The following AHNAK variants were observed in gnomAD, a reference collection of about 807,000 sequenced individuals.
AHNAK encodes AHNAK nucleoprotein.
AHNAK carries 23 observed loss-of-function variants against 37.8 expected under a neutral mutation model. The observed-to-expected ratio is 0.61, with a 90% CI of 0.44 to 0.86. AHNAK has a LOEUF of 0.86. AHNAK is among the 40% of genes least tolerant of loss of function. The pLI, the probability that AHNAK is intolerant of heterozygous loss-of-function variation, is 0.00. For missense variants in AHNAK, 7,411 were observed against 7,319.4 expected (o/e 1.01, Z -0.46); for synonymous variants, 2,481 against 2,636.3 (o/e 0.94, Z 1.80).
At chr11:62,540,536 G>A (rs1225081507) in intron 1 of AHNAK, among the ~76,000 whole-genome samples, 5 of 152,308 alleles carry the variant, frequency 3.3e-5, no homozygotes, top group South Asian at 2.1e-4. Flanking sequence ...AGAGCTAGGC[G>A]TGGTGGCTCA....
intron 1 of AHNAK, among the ~76,000 whole-genome samples, chr11:62,540,879 C>A (rs769255593): frequency 8.5e-5 from 13 of 152,112 alleles, no homozygotes; most frequent in African/African-American, 3.1e-4. Flanking sequence ...GAGGATGTGC[C>A]GAGCAGCAGG....
At chr11:62,481,104 G>T (rs12290042) in intron 5 of AHNAK, among the ~76,000 whole-genome samples, 4,377 of 43,800 alleles carry the variant, frequency 0.1, 224 homozygotes, top group African/African-American at 0.15. Context: ...TTTTTTTTTG[G>T]TTTTTTTTTT....
chr11:62,463,127 A>T (rs946195992), intron 5 of AHNAK, among the ~76,000 whole-genome samples: 3 of 134,526 alleles, frequency 2.2e-5, no homozygotes, highest in Non-Finnish European at 3.4e-5. Flanking sequence ...CAGTCTCAAA[A>T]AAAAAAAAAA....
downstream of AHNAK, among the ~76,000 whole-genome samples, chr11:62,513,275 G>A (rs1274609582): frequency 1.3e-5 from 2 of 152,204 alleles, no homozygotes; most frequent in East Asian, 1.9e-4. Flanking sequence ...CATGGCTCAC[G>A]CCTGTAATCC....
chr11:62,531,037 G>A lies in AHNAK; in HGVS notation c.3380C>T (p.Pro1127Leu), dbSNP rs201427622. The A allele has an allele frequency of 1.2e-4, 201 of 1,613,812 alleles. No individual in the cohort carries two copies. Among genetic ancestry groups the A allele is most frequent in the Non-Finnish European group, 1.6e-4 (185 of 1,180,006 alleles). ...GQGLDWSLKI[P>L]KMKMPKFSMP... ...GCTGAACTTGGGCATTTTCATCTTG[G>A]GTATTTTCAGGCTCCAGTCCAGGCC... is the stretch of plus-strand genomic sequence containing the variant. The change falls in exon 5 of 5, where the codon CCC becomes CTC. Residue 1127 changes from proline to leucine, a missense_variant. Transcript: ENST00000378024.
intron 5 of AHNAK, among the ~76,000 whole-genome samples, chr11:62,452,844 G>A (rs1205890986): frequency 1.3e-5 from 2 of 152,088 alleles, no homozygotes; most frequent in Non-Finnish European, 2.9e-5. Context: ...GGCCAACACG[G>A]TGAAACCTTC....
At position 62,528,401 on chromosome 11, in the gene AHNAK, C is replaced by T; in HGVS notation, c.6016G>A (p.Asp2006Asn). The T allele has an allele frequency of 6.2e-7, 1 of 1,613,734 alleles. No individual in the cohort carries two copies. Reference sequence around the variant, plus strand: ...ACCTTGGGCACAGACACATCCATATCCCCTTTGACTTTGGGGCCTTTCAGG... The same window carrying T: ...ACCTTGGGCACAGACACATCCATATTCCCTTTGACTTTGGGGCCTTTCAGG... ...LHLKGPKVKG[D>N]MDVSVPKVEG... Residue 2006 changes from aspartate (D) to asparagine (N), a missense_variant, in exon 5 of 5, where the codon GAT becomes AAT. Coordinates refer to ENST00000378024, the MANE Select transcript of AHNAK (RefSeq NM_001620.3).
Position 62,522,348 on chromosome 11 carries a change from C to T in AHNAK, c.12069G>A (p.Leu4023=), listed in dbSNP as rs766255420. The change falls in exon 5 of 5, where the codon CTG becomes CTA. Residue 4023 remains leucine (L), a synonymous_variant. Transcript: ENST00000378024. Reference sequence around the variant, plus strand: ...CCTTTAGATCACCTTCCATCTTAGGCAGAGAAACATCCACATCTCCTTTCA... The same window carrying T: ...CCTTTAGATCACCTTCCATCTTAGGTAGAGAAACATCCACATCTCCTTTCA... ...PKVKGDVDVS[L]PKMEGDLKAP... is the part of the protein sequence containing the mutation. 21 of 1,613,490 alleles carry T rather than the reference C, an allele frequency of 1.3e-5. No individual in the cohort carries two copies. Among genetic ancestry groups the T allele is most frequent in the South Asian group, 2.2e-5 (2 of 91,056 alleles).
At chr11:62,456,191 G>A (rs1044938680) in intron 5 of AHNAK, among the ~76,000 whole-genome samples, 5 of 152,114 alleles carry the variant, frequency 3.3e-5, no homozygotes, top group African/African-American at 1.2e-4. Flanking sequence ...CCTTGATCTT[G>A]GACTTCCAGC....
chr11:62,433,876 G>A, exon 6 of AHNAK: 1 of 1,613,826 alleles, frequency 6.2e-7, no homozygotes, highest in Non-Finnish European at 8.5e-7. Flanking sequence ...TTTTCTTCCT[G>A]GCCGCTTCTA....
Position 62,477,829 on chromosome 11 carries a change from G to A in AHNAK, c.442+13903C>T, listed in dbSNP as rs146146797. ...AAAAAAAAAAAAGTTATAAAAAGCA[G>A]GGGGATCCCAGTCAAGCCCTGGGCC... On this transcript the variant is annotated intron_variant, in intron 5 of 5. Transcript: ENST00000257247. Among the ~76,000 whole-genome samples the A allele has an allele frequency of 2.2e-4, 34 of 152,076 alleles. 1 individual carries two copies. In the East Asian group the frequency reaches 6.6e-3, roughly 29 times the overall value.
chr11:62,534,981 G>T (rs751228983), intron 4 of AHNAK, 22 bp downstream of exon 4: 1 of 1,592,538 alleles, frequency 6.3e-7, no homozygotes. Context: ...TCAGGGCACA[G>T]ATGGGCCGGC....
Position 62,529,477 on chromosome 11 carries a change from T to C in AHNAK, c.4940A>G (p.His1647Arg), listed in dbSNP as rs149295831. Residue 1647 changes from histidine to arginine, a missense_variant, in exon 5 of 5, where the codon CAT becomes CGT. Physicochemically the swap from His to Arg is conservative, Grantham distance 29. Transcript: ENST00000378024. ...CATGGAGATCTTGGGGGCCTTGAAA[T>C]GCATCTCAGGCATCTTAAACTTGGG... ...KGPKFKMPEM[H>R]FKAPKISMPD... 3 of 1,614,042 alleles carry C rather than the reference T, an allele frequency of 1.9e-6. No individual in the cohort carries two copies. The highest frequency in any genetic ancestry group is 8.5e-7 in the Non-Finnish European group (1 of 1,180,040).
intron 5 of AHNAK, among the ~76,000 whole-genome samples, chr11:62,485,120 C>T (rs760727080): frequency 5.5e-4 from 84 of 152,200 alleles, no homozygotes; most frequent in Non-Finnish European, 9.9e-4. Context: ...ATTAATTGGC[C>T]GGGAGCAGTG....
intron 5 of AHNAK, among the ~76,000 whole-genome samples, chr11:62,464,173 ACGGGCC>A (rs1938855069): frequency 6.6e-6 from 1 of 151,638 alleles, no homozygotes; most frequent in Non-Finnish European, 1.5e-5. Context: ...AACCACAGGA[ACGGGCC>A]ACCATACCCT....
rs369342643 is a variant in AHNAK at position 62,516,944 on chromosome 11, A to T, written c.17473T>A (p.Phe5825Ile). The change falls in exon 5 of 5, where the codon TTT becomes ATT. Residue 5825 changes from phenylalanine to isoleucine, a missense_variant. Phe to Ile is a conservative substitution (Grantham distance 21). Coordinates refer to ENST00000378024, the MANE Select transcript of AHNAK (RefSeq NM_001620.3). ...TTGCTCTTTGACCCCAATCCACCAA[A>T]GGTACCGAATTTCAGCTTCCCGTGT... Reference protein sequence around the residue: ...GKHGKLKFGTFGGLGSKSKGH... With the variant: ...GKHGKLKFGTIGGLGSKSKGH... 5 of 1,613,964 alleles carry T rather than the reference A, an allele frequency of 3.1e-6. No homozygotes were observed. The highest frequency in any genetic ancestry group is 3.3e-5 in the Admixed American group (2 of 59,982).
chr11:62,528,520 T>C lies in AHNAK; in HGVS notation c.5897A>G (p.Glu1966Gly). ...CCCTTTCAACTTTGCATCAGGACACTCCAGCTCAACATCAGGCACCTCCAC... is the reference window on the plus strand; with the variant it reads ...CCCTTTCAACTTTGCATCAGGACACCCCAGCTCAACATCAGGCACCTCCAC... ...VGVEVPDVEL[E>G]CPDAKLKGPK... is the part of the protein sequence containing the mutation. Residue 1966 changes from glutamate (E) to glycine (G), a missense_variant, in exon 5 of 5, where the codon GAG becomes GGG. Transcript: ENST00000378024. 6.2e-7 allele frequency: 1 copy of C among 1,611,850 alleles called. No homozygotes were observed.
rs765613136 is a variant in AHNAK at position 62,533,922 on chromosome 11, A to C, written c.495T>G (p.Thr165=). ...CTATGTCCTTGGCTCCTTCCCGGCC[A>C]GTCACATCCACAGTGTAGGCCGTGA... ...RRVTAYTVDV[T]GREGAKDIDI... is the part of the protein sequence containing the mutation. Residue 165 remains threonine, a synonymous_variant, in exon 5 of 5, where the codon ACT becomes ACG. Coordinates refer to ENST00000378024, the MANE Select transcript of AHNAK (RefSeq NM_001620.3). 6.2e-7 allele frequency: 1 copy of C among 1,614,170 alleles called. No individual in the cohort carries two copies. The highest frequency in any genetic ancestry group is 1.1e-5 in the South Asian group (1 of 91,080).
Position 62,523,218 on chromosome 11 carries a change from A to C in AHNAK, c.11199T>G (p.Phe3733Leu), listed in dbSNP as rs567950903. Residue 3733 changes from phenylalanine (F) to leucine (L), a missense_variant, in exon 5 of 5, where the codon TTT becomes TTG. Coordinates refer to ENST00000378024, the MANE Select transcript of AHNAK (RefSeq NM_001620.3). The part of the protein sequence containing the change: ...GSEGKFKGPK[F>L]KIPEMHLKAP... ...CCTTCAGGTGCATCTCTGGTATCTTAAATTTGGGTCCCTTGAATTTACCCT... is the reference window on the plus strand; with the variant it reads ...CCTTCAGGTGCATCTCTGGTATCTTCAATTTGGGTCCCTTGAATTTACCCT... 4.2e-5 allele frequency: 67 copies of C among 1,612,894 alleles called. No individual in the cohort carries two copies. The highest frequency in any genetic ancestry group is 5.2e-5 in the Non-Finnish European group (61 of 1,179,680).
Sources: allele counts gnomAD v4.1 joint callset (sites outside exome capture counted in the v4.1 genomes callset), GRCh38; gene constraint gnomAD v4.1.1; transcripts MANE v1.5; gene names NCBI Gene and HGNC (gene_info 2026-07-23, HGNC 2026-07-21).